The following MICU1 variants were observed in gnomAD, a reference collection of about 807,000 sequenced individuals.
MICU1 encodes mitochondrial calcium uptake 1.
MICU1 carries 45 observed loss-of-function variants against 56.8 expected under a neutral mutation model. The ratio of observed to expected loss-of-function variants is 0.79; its 90% CI spans 0.62 to 1.02. MICU1 has a LOEUF of 1.02. MICU1 is among the 50% of genes least tolerant of loss of function. The probability of loss-of-function intolerance (pLI) is 0.00; values close to 1 mark genes in which losing one functional copy is unlikely to be tolerated. For missense variants in MICU1, 504 were observed against 587.1 expected (o/e 0.86, Z 1.46); for synonymous variants, 186 against 195.1 (o/e 0.95, Z 0.39).
intron 6 of MICU1, among the ~76,000 whole-genome samples, chr10:72,498,552 C>A (rs1328058868): frequency 6.6e-6 from 1 of 152,060 alleles, no homozygotes; most frequent in Non-Finnish European, 1.5e-5. Context: ...CGCCATTGCA[C>A]TCCAGCCTCG....
At chr10:72,614,186 T>A (rs1014697851) in intron 1 of MICU1, among the ~76,000 whole-genome samples, 1 of 151,956 alleles carries the variant, frequency 6.6e-6, no homozygotes, top group Non-Finnish European at 1.5e-5. Context: ...GTACCCATAC[T>A]CATTCAAATG....
At chr10:72,569,237 A>ATATATATATATATATATTTTTTT in intron 1 of MICU1, among the ~76,000 whole-genome samples, 1 of 34,380 alleles carries the variant, frequency 2.9e-5, no homozygotes, top group Non-Finnish European at 5.1e-5. Context: ...ATATATATAT[A>ATATATATATATATATATTTTTTT]TTTTTTTTTT....
chr10:72,391,605 T>C (rs1291462459), intron 10 of MICU1, among the ~76,000 whole-genome samples: 4 of 152,162 alleles, frequency 2.6e-5, no homozygotes, highest in African/African-American at 9.7e-5. Context: ...TAAAGTACAG[T>C]TGGCCCTGGA....
intron 3 of MICU1, among the ~76,000 whole-genome samples, chr10:72,561,251 A>G (rs1211274256): frequency 3.9e-5 from 6 of 152,256 alleles, no homozygotes; most frequent in African/African-American, 1.2e-4. Context: ...AGAAGGCAGG[A>G]GTAGAAAATG....
At chr10:72,550,354 T>C (rs1450936338) in intron 4 of MICU1, among the ~76,000 whole-genome samples, 1 of 152,238 alleles carries the variant, frequency 6.6e-6, no homozygotes, top group Non-Finnish European at 1.5e-5. Flanking sequence ...ATAGTCTAGA[T>C]GTGTAGTAGG....
chr10:72,546,892 AT>A (rs1231508780), intron 4 of MICU1, among the ~76,000 whole-genome samples: 2,598 of 138,378 alleles, frequency 0.019, 21 homozygotes, highest in Middle Eastern at 0.04. Flanking sequence ...CGCTCGTCTA[AT>A]TTTTTTTTTT....
chr10:72,494,400 G>A lies in MICU1; in HGVS notation c.652+13755C>T, dbSNP rs184981912. 2.5e-3 allele frequency among the ~76,000 whole-genome samples: 380 copies of A among 152,120 alleles called. 2 individuals carry two copies. The highest frequency in any genetic ancestry group is 0.015 in the South Asian group (72 of 4,812). ...CCATGTTTCTACTCGAATAAATTCT[G>A]AACATAAAGAAAAAACACTTAGAAA... On this transcript the variant is annotated intron_variant, in intron 6 of 11. Coordinates refer to ENST00000361114, the MANE Select transcript of MICU1 (RefSeq NM_001195518.2).
intron 10 of MICU1, among the ~76,000 whole-genome samples, chr10:72,393,684 G>T (rs182186789): frequency 6.6e-6 from 1 of 152,182 alleles, no homozygotes; most frequent in African/African-American, 2.4e-5. Context: ...TGCAGGGTAC[G>T]TTCTGGAGGT....
intron 6 of MICU1, among the ~76,000 whole-genome samples, chr10:72,505,346 C>A (rs112101685): frequency 5.3e-5 from 8 of 152,226 alleles, no homozygotes; most frequent in African/African-American, 1.7e-4. Flanking sequence ...AAAGGGAATC[C>A]TCATACACTG....
intron 4 of MICU1, among the ~76,000 whole-genome samples, chr10:72,535,885 A>T (rs1235085927): frequency 2.0e-5 from 3 of 152,170 alleles, no homozygotes; most frequent in African/African-American, 7.2e-5. Context: ...GGTAGAAAGG[A>T]AGAAATTCTG....
chr10:72,613,895 A>C (rs925160270), intron 1 of MICU1, among the ~76,000 whole-genome samples: 2 of 152,184 alleles, frequency 1.3e-5, no homozygotes, highest in Admixed American at 1.3e-4. Context: ...CTGTAATCCC[A>C]GCACTTTGGG....
At chr10:72,623,521 C>T (rs371119430) in intron 1 of MICU1, among the ~76,000 whole-genome samples, 1 of 151,982 alleles carries the variant, frequency 6.6e-6, no homozygotes, top group Non-Finnish European at 1.5e-5. Flanking sequence ...GCGGGAGGAT[C>T]GCTTGAGTCT....
At chr10:72,437,902 T>C (rs1414873285) in intron 8 of MICU1, among the ~76,000 whole-genome samples, 1 of 152,064 alleles carries the variant, frequency 6.6e-6, no homozygotes, top group Non-Finnish European at 1.5e-5. Flanking sequence ...ATAAAGTAAG[T>C]CCTTAGAGAC....
chr10:72,511,161 C>T (rs1199764220), intron 5 of MICU1, among the ~76,000 whole-genome samples: 5 of 152,108 alleles, frequency 3.3e-5, no homozygotes, highest in Non-Finnish European at 5.9e-5. Context: ...CCACACAGTA[C>T]GTAGGCCTTT....
intron 5 of MICU1, among the ~76,000 whole-genome samples, chr10:72,512,107 GTTTTT>G (rs869183579): frequency 1.7e-4 from 5 of 29,526 alleles, no homozygotes; most frequent in South Asian, 2.6e-3. Flanking sequence ...GTTGTTTTTT[GTTTTT>G]TTTTTTTTTT....
intron 5 of MICU1, chr10:72,533,245 A>G: frequency 1.3e-6 from 1 of 755,282 alleles, no homozygotes; most frequent in Middle Eastern, 4.0e-4. Context: ...ATAATTTGTT[A>G]TATTATTTAT....
At position 72,621,754 on chromosome 10, in the gene MICU1, G is replaced by T. The variant is rs551400343; in HGVS notation, c.-2+4256C>A. On this transcript the variant is annotated intron_variant, in intron 1 of 11. Transcript: ENST00000361114. ...AAAACCTGAATATTCCAGAGCAGGG[G>T]TACTAAACATGTAATAACAGTACAG... 1.3e-4 allele frequency among the ~76,000 whole-genome samples: 20 copies of T among 152,042 alleles called. No individual in the cohort carries two copies. In the South Asian group the frequency reaches 4.1e-3, roughly 32 times the overall value.
intron 4 of MICU1, among the ~76,000 whole-genome samples, chr10:72,546,630 G>A (rs750013285): frequency 2.0e-4 from 30 of 152,054 alleles, no homozygotes; most frequent in Non-Finnish European, 3.7e-4. Context: ...TTCTCTTAAC[G>A]CAAACAAGAT....
intron 3 of MICU1, among the ~76,000 whole-genome samples, chr10:72,554,907 G>A (rs12412887): frequency 0.47 from 72,023 of 151,934 alleles, 19,479 homozygotes; most frequent in Non-Finnish European, 0.64. Context: ...CCCAGCTACT[G>A]GGGAGGCTGA....
Sources: allele counts gnomAD v4.1 joint callset (sites outside exome capture counted in the v4.1 genomes callset), GRCh38; gene constraint gnomAD v4.1.1; transcripts MANE v1.5; gene names NCBI Gene and HGNC (gene_info 2026-07-23, HGNC 2026-07-21).